The following CYP3A7 variants were observed in gnomAD, a reference collection of about 807,000 sequenced individuals.
CYP3A7 encodes cytochrome P450 3A7.
CYP3A7 carries 45 observed loss-of-function variants against 55.2 expected under a neutral mutation model. The observed-to-expected ratio is 0.82, with a 90% CI of 0.64 to 1.05. CYP3A7 has a LOEUF of 1.05. Among genes scored for constraint, CYP3A7 ranks in the 50% least tolerant of loss-of-function variants. The probability of loss-of-function intolerance (pLI) is 0.00; values close to 1 mark genes in which losing one functional copy is unlikely to be tolerated. For missense variants in CYP3A7, 548 were observed against 605.3 expected, an observed-to-expected ratio of 0.91 and a Z score of 0.99; for synonymous variants, 180 against 207.4, an observed-to-expected ratio of 0.87 and a Z score of 1.13.
chr7:99,721,581 G>A (rs1175514219), intron 3 of CYP3A7, among the ~76,000 whole-genome samples: 1 of 152,182 alleles, frequency 6.6e-6, no homozygotes, highest in Non-Finnish European at 1.5e-5. Flanking sequence ...GAGTCCCTGG[G>A]CCACCAAAGC....
intron 2 of CYP3A7, among the ~76,000 whole-genome samples, chr7:99,728,625 G>A (rs1814505361): frequency 6.6e-6 from 1 of 152,078 alleles, no homozygotes; most frequent in African/African-American, 2.4e-5. Context: ...TAATTGGACA[G>A]GTACATGTAC....
chr7:99,721,567 C>T (rs1489176100), intron 3 of CYP3A7, among the ~76,000 whole-genome samples: 3 of 152,174 alleles, frequency 2.0e-5, no homozygotes, highest in African/African-American at 7.2e-5. Flanking sequence ...GAACGTGATG[C>T]TGGGAGTCCC....
intron 2 of CYP3A7, among the ~76,000 whole-genome samples, chr7:99,727,469 C>T (rs1356212334): frequency 1.3e-5 from 2 of 152,278 alleles, no homozygotes; most frequent in Admixed American, 6.5e-5. Context: ...CCACAATTAC[C>T]ATTGTACCTG....
At chr7:99,715,501 G>T (rs1454976799) in intron 7 of CYP3A7, 3 of 509,766 alleles carry the variant, frequency 5.9e-6, no homozygotes, top group Non-Finnish European at 1.0e-5. Context: ...CAAATCTATA[G>T]ATGCAGAAAG....
Position 99,710,882 on chromosome 7 carries a change from A to C in CYP3A7, c.876T>G (p.Asp292Glu). The change falls in exon 10 of 13, where the codon GAT (aspartate) becomes GAG (glutamate). Residue 292 changes from aspartate to glutamate, a missense_variant. Transcript: ENST00000336374. Reference protein sequence around the residue: ...KDSETHKALSDLELMAQSIIF... With the variant: ...KDSETHKALSELELMAQSIIF... ...TAATTGATTGGGCCATGAGCTCCAGATCAGACAGAGCTGAAAGGAGAGAAA... is the reference window on the plus strand; with the variant it reads ...TAATTGATTGGGCCATGAGCTCCAGCTCAGACAGAGCTGAAAGGAGAGAAA... The C allele has an allele frequency of 6.2e-7, 1 of 1,613,746 alleles. No individual in the cohort carries two copies. The highest frequency in any genetic ancestry group is 8.5e-7 in the Non-Finnish European group (1 of 1,179,768).
chr7:99,719,529 A>G (rs1814100491), intron 4 of CYP3A7, among the ~76,000 whole-genome samples: 1 of 152,238 alleles, frequency 6.6e-6, no homozygotes, highest in Non-Finnish European at 1.5e-5. Flanking sequence ...GACTTTTAGA[A>G]AAATTGGCAA....
rs373774722 is a variant in CYP3A7, at chr7:99,715,783, T to A, written c.645A>T (p.Pro215=). The change falls in exon 7 of 13, where the codon CCA becomes CCT. Residue 215 remains proline (P), a synonymous_variant. Coordinates refer to ENST00000336374, the MANE Select transcript of CYP3A7 (RefSeq NM_000765.5). The part of the protein sequence containing the change: ...ENTKKLLRFN[P]LDPFVLSIKV... ...TTATTGAGAGAACGAATGGATCTAATGGATTAAATCTTAAAAGCTTCTTGG... is the reference window on the plus strand; with the variant it reads ...TTATTGAGAGAACGAATGGATCTAAAGGATTAAATCTTAAAAGCTTCTTGG... The A allele has an allele frequency of 6.2e-7, 1 of 1,613,896 alleles. No homozygotes were observed. Among genetic ancestry groups the A allele is most frequent in the South Asian group, 1.1e-5 (1 of 91,080 alleles).
At position 99,713,526 on chromosome 7, in the gene CYP3A7, C is replaced by T. The variant is rs1159437112; in HGVS notation, c.808G>A (p.Asp270Asn). Reference protein sequence around the residue: ...RLKETQKHRVDFLQLMIDSQN... With the variant: ...RLKETQKHRVNFLQLMIDSQN... Reference sequence around the variant, plus strand: ...GAGTCAATCATCAGCTGAAGGAAATCCACTCGGTGCTAGAAGCAAAAAGAG... The same window carrying T: ...GAGTCAATCATCAGCTGAAGGAAATTCACTCGGTGCTAGAAGCAAAAAGAG... The change falls in exon 9 of 13, where the codon GAT becomes AAT. Residue 270 changes from aspartate to asparagine, a missense_variant. Physicochemically the swap from Asp to Asn is conservative, Grantham distance 23. Transcript: ENST00000336374. 1 of 1,613,266 alleles carries T rather than the reference C, an allele frequency of 6.2e-7. No individual in the cohort carries two copies.
chr7:99,723,265 C>T (rs191950932), intron 2 of CYP3A7, among the ~76,000 whole-genome samples: 33 of 152,254 alleles, frequency 2.2e-4, no homozygotes, highest in South Asian at 1.9e-3. Flanking sequence ...AACCTTACAA[C>T]GTTCCATTAT....
chr7:99,714,743 A>G, intron 7 of CYP3A7, 61 bp from the exon 8 acceptor site: 1 of 1,588,660 alleles, frequency 6.3e-7, no homozygotes, highest in Non-Finnish European at 8.5e-7. Flanking sequence ...ATTTACCTGG[A>G]GCAATTCTAA....
chr7:99,709,276 A>G lies in CYP3A7; in HGVS notation c.1027-15T>C. On this transcript the variant is annotated splice_polypyrimidine_tract_variant and intron_variant, in intron 10 of 12. Transcript: ENST00000336374. ...GTGGGTGGTGCCTGAAAAGAAAGAA[A>G]CAGATTTGGATAAATTGAGATTTTT... 1 of 1,612,544 alleles carries G rather than the reference A, an allele frequency of 6.2e-7. No homozygotes were observed. Among genetic ancestry groups the G allele is most frequent in the Non-Finnish European group, 8.5e-7 (1 of 1,179,202 alleles).
At chr7:99,712,403 G>A in intron 9 of CYP3A7, among the ~76,000 whole-genome samples, 1 of 152,176 alleles carries the variant, frequency 6.6e-6, no homozygotes, top group Non-Finnish European at 1.5e-5. Context: ...CAATGTGGTA[G>A]CCACTATTGA....
In CYP3A7 at chr7:99,715,541, T is replaced by A. The variant is rs555366624; in HGVS notation, c.670+217A>T. ...CTAGTGGTTATATACGACAACAGGA[T>A]TTCTGGCAGGGGGTTGATAGCTAAA... On this transcript the variant is annotated intron_variant, in intron 7 of 12. Transcript: ENST00000336374. 11 of 757,030 alleles carry A rather than the reference T, an allele frequency of 1.5e-5. No individual in the cohort carries two copies. The East Asian group carries it at 3.4e-4, about 23-fold the overall frequency. The allele number at this position is 757,030 out of a possible 1,614,324, so 46.9% of individuals were successfully genotyped here.
intron 2 of CYP3A7, among the ~76,000 whole-genome samples, chr7:99,725,214 G>A (rs763029614): frequency 6.6e-6 from 1 of 152,136 alleles, no homozygotes; most frequent in African/African-American, 2.4e-5. Flanking sequence ...ACCATTAGAT[G>A]CTTCACAGCC....
chr7:99,715,697 T>C, intron 7 of CYP3A7, 61 bp downstream of exon 7: 3 of 1,611,676 alleles, frequency 1.9e-6, no homozygotes, highest in Middle Eastern at 1.7e-4. Context: ...GTGATTTACA[T>C]CTCAATAAAG....
chr7:99,705,664 T>A, intron 12 of CYP3A7, 69 bp from the exon 13 acceptor site: 1 of 1,560,316 alleles, frequency 6.4e-7, no homozygotes, highest in Non-Finnish European at 8.8e-7. Context: ...AGCATCAAAG[T>A]AAAAAAAAAT....
At chr7:99,706,365 C>T (rs1281143546) in intron 12 of CYP3A7, among the ~76,000 whole-genome samples, 10 of 152,130 alleles carry the variant, frequency 6.6e-5, no homozygotes, top group South Asian at 4.1e-4. Context: ...GCCAGAGGAC[C>T]GCCTTCTCTC....
Position 99,707,957 on chromosome 7 carries a change from T to G in CYP3A7, c.1271A>C (p.Lys424Thr). The change falls in exon 12 of 13, where the codon AAG (lysine) becomes ACG (threonine). Residue 424 changes from lysine (K) to threonine (T), a missense_variant. By Grantham distance (78) the Lys-to-Thr change is moderately conservative. Coordinates refer to ENST00000336374, the MANE Select transcript of CYP3A7 (RefSeq NM_000765.5). ...GTATATGTAAGGATCTATGTTGTCC[T>G]TGTTCTTTTTACTGAACCTGGTTCC... ...FLPERFSKKNKDNIDPYIYTP... is the reference protein window; with the variant it reads ...FLPERFSKKNTDNIDPYIYTP... The G allele has an allele frequency of 6.2e-7, 1 of 1,613,922 alleles. No homozygotes were observed. Among genetic ancestry groups the G allele is most frequent in the Non-Finnish European group, 8.5e-7 (1 of 1,179,814 alleles).
intron 4 of CYP3A7, among the ~76,000 whole-genome samples, chr7:99,719,452 A>G (rs541790613): frequency 5.9e-5 from 9 of 152,326 alleles, no homozygotes; most frequent in Admixed American, 3.9e-4. Context: ...TCTAAATCTC[A>G]TACCTTATAC....
Sources: gnomAD v4.1 joint callset for allele counts (sites outside exome capture counted in the v4.1 genomes callset) on GRCh38, gnomAD v4.1.1 for gene constraint, MANE v1.5 for transcripts, NCBI Gene and HGNC (gene_info 2026-07-23, HGNC 2026-07-21) for gene names.